Variants in ACOX3 observed in about 807,000 individuals in gnomAD.
ACOX3 encodes the protein acyl-CoA oxidase 3, pristanoyl, also known as peroxisomal acyl-coenzyme A oxidase 3.
A neutral mutation model predicts 81.5 loss-of-function variants in ACOX3; 73 were observed. The observed-to-expected ratio is 0.90, with a 90% CI of 0.74 to 1.09. The LOEUF (loss-of-function observed/expected upper bound fraction) is 1.09, where lower values mean the gene tolerates loss of function less well. ACOX3 is among the 50% of genes least tolerant of loss of function. The probability of loss-of-function intolerance (pLI) is 0.00; values close to 1 mark genes in which losing one functional copy is unlikely to be tolerated. For synonymous variants in ACOX3, 387 were observed against 375.1 expected (o/e 1.03, Z -0.37); for missense variants, 947 against 928.0 (o/e 1.02, Z -0.27).
At chr4:8,364,652 C>T (rs1234427688), downstream of ACOX3, among the ~76,000 whole-genome samples, 5 of 152,248 alleles carry the variant, frequency 3.3e-5, no homozygotes, top group East Asian at 1.9e-4. The surrounding 1 kb of genome is among the most constrained non-coding windows in gnomAD (Gnocchi z 5.0). Flanking sequence ...CAAAGCTCTC[C>T]TGCATGAGAA....
chr4:8,426,814 C>T (rs1177659017), intron 1 of ACOX3, among the ~76,000 whole-genome samples: 1 of 152,138 alleles, frequency 6.6e-6, no homozygotes, highest in Non-Finnish European at 1.5e-5. Context: ...AATGGAGCCC[C>T]AGATGCAGTC....
chr4:8,424,217 T>C (rs780247436), intron 1 of ACOX3, among the ~76,000 whole-genome samples: 1 of 152,300 alleles, frequency 6.6e-6, no homozygotes, highest in Non-Finnish European at 1.5e-5. Flanking sequence ...TACAGTGAAA[T>C]AGCCAGGCCA....
At chr4:8,425,870 C>T (rs1239777249) in intron 1 of ACOX3, among the ~76,000 whole-genome samples, 2 of 152,048 alleles carry the variant, frequency 1.3e-5, no homozygotes, top group Non-Finnish European at 2.9e-5. Context: ...CAGCGAGTAT[C>T]GCAGACGTTA....
Position 8,416,163 on chromosome 4 carries a change from G to C in ACOX3, c.145-164C>G, listed in dbSNP as rs1447967117. 6.6e-6 allele frequency among the ~76,000 whole-genome samples: 1 copy of C among 152,166 alleles called. No homozygotes were observed. Among genetic ancestry groups the C allele is most frequent in the African/African-American group, 2.4e-5 (1 of 41,438 alleles). On this transcript the variant is annotated intron_variant, in intron 2 of 17. Coordinates refer to ENST00000356406, the MANE Select transcript of ACOX3 (RefSeq NM_003501.3). The surrounding 1 kb of genome is among the most constrained non-coding windows in gnomAD (Gnocchi z 4.2). ...TCATTCCCAATGGACTAGAGGACTG[G>C]AGGCTTAAGAAACATCAACAATCCG... is the stretch of plus-strand genomic sequence containing the variant.
At position 8,416,482 on chromosome 4, in the gene ACOX3, G is replaced by C. The variant is rs762554275; in HGVS notation, c.40C>G (p.Pro14Ala). The C allele has an allele frequency of 3.1e-6, 5 of 1,613,714 alleles. No homozygotes were observed. In the South Asian group the frequency reaches 5.5e-5, roughly 18 times the overall value. The change falls in exon 2 of 18, where the codon CCA (proline) becomes GCA (alanine). Residue 14 changes from proline to alanine, a missense_variant. By Grantham distance (27) the Pro-to-Ala change is conservative (BLOSUM62 -1). Coordinates refer to ENST00000356406, the MANE Select transcript of ACOX3 (RefSeq NM_003501.3). This position sits in a 1 kb window ranked among gnomAD's most constrained non-coding sequence, Gnocchi z 4.2. ...TVEGGDTALL[P>A]EFPRGPLDAY... ...TCGAGGGGCCCCCTGGGGAATTCTG[G>C]GAGCAGAGCTGTGTCGCCTCCTTCC... is the stretch of plus-strand genomic sequence containing the variant.
chr4:8,408,828 C>T (rs1721327959), intron 6 of ACOX3, among the ~76,000 whole-genome samples: 1 of 141,614 alleles, frequency 7.1e-6, no homozygotes, highest in South Asian at 2.2e-4. Flanking sequence ...GCACAGGCCA[C>T]AACCTGGACT....
Position 8,389,789 on chromosome 4 carries a change from C to T in ACOX3, c.1301-55G>A, listed in dbSNP as rs1036444751. On this transcript the variant is annotated intron_variant, in intron 11 of 17. Transcript: ENST00000356406. This position sits in a 1 kb window ranked among gnomAD's most constrained non-coding sequence, Gnocchi z 5.3. Reference sequence around the variant, plus strand: ...TTAAGACGCATATTTGAGAAGCAGCCTGTCACTATGTGAGAATTTAAAAAG... The same window carrying T: ...TTAAGACGCATATTTGAGAAGCAGCTTGTCACTATGTGAGAATTTAAAAAG... 1.4e-5 allele frequency: 23 copies of T among 1,601,340 alleles called. No homozygotes were observed. The South Asian group carries it at 2.2e-4, about 15-fold the overall frequency.
chr4:8,374,252 T>A (rs533877842), intron 15 of ACOX3: 1 of 153,614 alleles, frequency 6.5e-6, no homozygotes, highest in Non-Finnish European at 1.4e-5. Flanking sequence ...CTTAGGGTTT[T>A]TCTCAGGCAG....
chr4:8,361,383 G>C (rs1715230068), downstream of ACOX3, among the ~76,000 whole-genome samples: 1 of 117,344 alleles, frequency 8.5e-6, no homozygotes, highest in Non-Finnish European at 1.6e-5. Context: ...CTGAGATCAT[G>C]CCACTGCACT....
chr4:8,373,242 T>G (rs1348586088), intron 16 of ACOX3, among the ~76,000 whole-genome samples: 1 of 151,970 alleles, frequency 6.6e-6, no homozygotes, highest in Non-Finnish European at 1.5e-5. Flanking sequence ...AAATTTCTGA[T>G]GTAGCCATAT....
intron 1 of ACOX3, among the ~76,000 whole-genome samples, chr4:8,429,184 T>C (rs1434688467): frequency 6.6e-6 from 1 of 152,216 alleles, no homozygotes. Flanking sequence ...GAGACAGTGT[T>C]GTACCTGAGC....
chr4:8,410,729 G>T (rs1163108286), intron 5 of ACOX3, among the ~76,000 whole-genome samples: 1 of 152,210 alleles, frequency 6.6e-6, no homozygotes, highest in Non-Finnish European at 1.5e-5. Context: ...TGTGGGCAGG[G>T]CTGTGGGAAT....
In ACOX3 at chr4:8,437,283, G is replaced by A. The variant is rs1013894289; in HGVS notation, c.-15+3365C>T. On this transcript the variant is annotated intron_variant, in intron 1 of 17. Coordinates refer to ENST00000356406, the MANE Select transcript of ACOX3 (RefSeq NM_003501.3). The surrounding 1 kb of genome is among the most constrained non-coding windows in gnomAD (Gnocchi z 5.2). ...TGTGACCAAGGAACAAAACAGGAAA[G>A]AGCAAAAGCAACAAGTGCGGCAGCT... 6.6e-6 allele frequency among the ~76,000 whole-genome samples: 1 copy of A among 151,774 alleles called. No individual in the cohort carries two copies. The highest frequency in any genetic ancestry group is 2.4e-5 in the African/African-American group (1 of 41,342).
rs1032383006 is a variant in ACOX3 at position 8,370,320 on chromosome 4, G to A, written c.1983+588C>T. Among the ~76,000 whole-genome samples the A allele has an allele frequency of 3.3e-5, 5 of 152,014 alleles. No individual in the cohort carries two copies. Among genetic ancestry groups the A allele is most frequent in the Admixed American group, 6.6e-5 (1 of 15,262 alleles). ...TGGGGCTGGGGCGTGGCAGGCAGTCGAGGAGGCTGGTGGAGGCTCCCTCAG... is the reference window on the plus strand; with the variant it reads ...TGGGGCTGGGGCGTGGCAGGCAGTCAAGGAGGCTGGTGGAGGCTCCCTCAG... On this transcript the variant is annotated intron_variant, in intron 17 of 17. Transcript: ENST00000356406. This position sits in a 1 kb window ranked among gnomAD's most constrained non-coding sequence, Gnocchi z 6.3.
the ACOX3 span, among the ~76,000 whole-genome samples, chr4:8,361,159 C>T: frequency 6.7e-3 from 1,015 of 152,086 alleles, 13 homozygotes; most frequent in African/African-American, 0.023. Context: ...CGCGGTGGCT[C>T]ACGCCCGTAA....
intron 11 of ACOX3, among the ~76,000 whole-genome samples, chr4:8,391,198 G>A (rs1311470899): frequency 6.6e-6 from 1 of 152,168 alleles, no homozygotes; most frequent in Admixed American, 6.5e-5. Context: ...TTGCGCAGAG[G>A]ACAAAGCATG....
At chr4:8,436,681 C>T (rs900570389) in intron 1 of ACOX3, among the ~76,000 whole-genome samples, 1 of 152,118 alleles carries the variant, frequency 6.6e-6, no homozygotes, top group Non-Finnish European at 1.5e-5. Flanking sequence ...GTAAAGCATT[C>T]TGGCTTTACA....
intron 1 of ACOX3, among the ~76,000 whole-genome samples, chr4:8,426,939 C>A (rs1259169664): frequency 6.6e-6 from 1 of 152,140 alleles, no homozygotes. Flanking sequence ...CTCTACTACG[C>A]CCCAATTCAG....
intron 7 of ACOX3, among the ~76,000 whole-genome samples, chr4:8,404,191 G>T (rs1720672022): frequency 1.3e-5 from 2 of 152,218 alleles, no homozygotes; most frequent in South Asian, 2.1e-4. Flanking sequence ...AGGGCGAAGG[G>T]CCTGAACAGC....
Sources: gnomAD v4.1 joint callset for allele counts (sites outside exome capture counted in the v4.1 genomes callset) on GRCh38, gnomAD v4.1.1 for gene constraint, Gnocchi (gnomAD v3.1) non-coding constraint, MANE v1.5 for transcripts, NCBI Gene and HGNC (gene_info 2026-07-23, HGNC 2026-07-21) for gene names.